Variants in NTM observed in about 807,000 individuals in gnomAD.
NTM encodes the protein neurotrimin.
In NTM, 13 loss-of-function variants were observed where a neutral mutation model predicts 42.1. The observed-to-expected ratio is 0.31, with a 90% CI of 0.20 to 0.49. The LOEUF is 0.49. Ranked by LOEUF, NTM falls within the 20% of genes least tolerant of loss-of-function variation. The pLI is 0.99. For missense variants in NTM, 373 were observed against 452.8 expected (o/e 0.82, Z 1.60); for synonymous variants, 187 against 179.2 (o/e 1.04, Z -0.35).
intron 1 of NTM, among the ~76,000 whole-genome samples, chr11:131,909,250 A>G (rs1374944268): frequency 2.0e-5 from 3 of 152,014 alleles, no homozygotes; most frequent in Non-Finnish European, 4.4e-5. Flanking sequence ...TCCTATCTCT[A>G]TAGTTAGTGT....
intron 1 of NTM, among the ~76,000 whole-genome samples, chr11:131,824,830 CA>C (rs2041937977): frequency 6.6e-6 from 1 of 151,988 alleles, no homozygotes; most frequent in African/African-American, 2.4e-5. Flanking sequence ...ATATTCTGGA[CA>C]AAAGAAATGG....
At chr11:131,394,899 TA>T (rs1254617223) in intron 1 of NTM, among the ~76,000 whole-genome samples, 6 of 152,158 alleles carry the variant, frequency 3.9e-5, no homozygotes, top group African/African-American at 1.4e-4. Context: ...AATGAAACAG[TA>T]AATAAAGCAG....
chr11:132,124,822 CAA>C, intron 2 of NTM, among the ~76,000 whole-genome samples: 2 of 152,126 alleles, frequency 1.3e-5, no homozygotes, highest in Non-Finnish European at 2.9e-5. Context: ...TCTACAAAAA[CAA>C]AAAAACAACA....
intron 2 of NTM, among the ~76,000 whole-genome samples, chr11:131,936,748 C>A (rs553435338): frequency 7.2e-5 from 11 of 152,264 alleles, no homozygotes; most frequent in African/African-American, 2.4e-4. Flanking sequence ...AAAAAATTCT[C>A]ACTATGATAC....
At chr11:131,880,539 C>T (rs1026536040) in intron 1 of NTM, among the ~76,000 whole-genome samples, 1 of 152,168 alleles carries the variant, frequency 6.6e-6, no homozygotes, top group African/African-American at 2.4e-5. Flanking sequence ...CAGAGAGTTT[C>T]CTGCCCAGGG....
intron 1 of NTM, among the ~76,000 whole-genome samples, chr11:131,491,638 G>T (rs538057873): frequency 1.1e-4 from 17 of 152,046 alleles, no homozygotes; most frequent in Admixed American, 5.2e-4. Context: ...ACTGGAGTTG[G>T]TATTATCTCC....
chr11:132,251,887 A>G (rs2139389531), intron 4 of NTM, among the ~76,000 whole-genome samples: 1 of 152,362 alleles, frequency 6.6e-6, no homozygotes, highest in Admixed American at 6.5e-5. Context: ...GCAGGCTTCC[A>G]CCCATGAGAA....
intron 1 of NTM, among the ~76,000 whole-genome samples, chr11:131,512,353 A>T (rs553449350): frequency 1.3e-4 from 20 of 152,328 alleles, no homozygotes; most frequent in African/African-American, 4.8e-4. Context: ...GCAAGGCCTC[A>T]GTAGACCACG....
intron 1 of NTM, among the ~76,000 whole-genome samples, chr11:131,533,503 C>A (rs1309622017): frequency 6.6e-6 from 1 of 152,172 alleles, no homozygotes; most frequent in African/African-American, 2.4e-5. Context: ...CTGCCCAGCC[C>A]TGACTCAATC....
chr11:131,488,376 C>T (rs1954415038), intron 1 of NTM, among the ~76,000 whole-genome samples: 1 of 152,194 alleles, frequency 6.6e-6, no homozygotes, highest in Non-Finnish European at 1.5e-5. Context: ...GCACAGAACC[C>T]TGATCTCTGC....
intron 1 of NTM, among the ~76,000 whole-genome samples, chr11:131,472,560 A>G (rs989614084): frequency 5.3e-5 from 8 of 152,200 alleles, no homozygotes; most frequent in African/African-American, 1.7e-4. Context: ...GAAAGTGCAC[A>G]TAATCACAAA....
chr11:132,264,712 G>C (rs906405506), intron 4 of NTM, among the ~76,000 whole-genome samples: 1 of 152,132 alleles, frequency 6.6e-6, no homozygotes, highest in Non-Finnish European at 1.5e-5. Flanking sequence ...GAAGACAGTG[G>C]TATCTTATAT....
intron 1 of NTM, among the ~76,000 whole-genome samples, chr11:131,829,744 C>T (rs2042577854): frequency 6.6e-6 from 1 of 151,994 alleles, no homozygotes; most frequent in South Asian, 2.1e-4. Flanking sequence ...TTAGTTCTTT[C>T]AGAAATCTCC....
At chr11:131,441,371 G>A (rs1481782173) in intron 1 of NTM, among the ~76,000 whole-genome samples, 1 of 152,170 alleles carries the variant, frequency 6.6e-6, no homozygotes, top group Non-Finnish European at 1.5e-5. Context: ...TTTCTTGACT[G>A]TTTGGAAATT....
intron 1 of NTM, among the ~76,000 whole-genome samples, chr11:131,517,834 C>A (rs1236804727): frequency 6.6e-6 from 1 of 152,164 alleles, no homozygotes; most frequent in Non-Finnish European, 1.5e-5. Flanking sequence ...CATTACCCAC[C>A]CCTCCCTCTA....
intron 4 of NTM, among the ~76,000 whole-genome samples, chr11:132,294,507 G>A (rs575945581): frequency 5.6e-4 from 85 of 152,290 alleles, no homozygotes; most frequent in African/African-American, 2.0e-3. Flanking sequence ...CCAAGATCCA[G>A]TAAAATGTTC....
chr11:131,518,411 G>A (rs1404813322), intron 1 of NTM, among the ~76,000 whole-genome samples: 1 of 152,068 alleles, frequency 6.6e-6, no homozygotes, highest in Non-Finnish European at 1.5e-5. Context: ...CTTTTTTTAA[G>A]CTGAGTACTT....
At chr11:131,753,847 C>T (rs2082915537) in intron 1 of NTM, among the ~76,000 whole-genome samples, 1 of 150,916 alleles carries the variant, frequency 6.6e-6, no homozygotes, top group South Asian at 2.1e-4. Context: ...ACATATGTAA[C>T]TAACCTGCAC....
intron 3 of NTM, among the ~76,000 whole-genome samples, chr11:132,154,273 T>C (rs527492273): frequency 6.6e-6 from 1 of 152,282 alleles, no homozygotes; most frequent in East Asian, 1.9e-4. Flanking sequence ...AATGGACAAA[T>C]ACTCAAAAGA....
Sources: gnomAD v4.1 joint callset for allele counts (sites outside exome capture counted in the v4.1 genomes callset) on GRCh38, gnomAD v4.1.1 for gene constraint, MANE v1.5 for transcripts, NCBI Gene and HGNC (gene_info 2026-07-23, HGNC 2026-07-21) for gene names.